Variants in AGAP1 observed in about 807,000 individuals in gnomAD.
AGAP1 encodes the protein ArfGAP with GTPase domain, ankyrin repeat and PH domain 1, also known as arf-GAP with GTPase, ANK repeat and PH domain-containing protein 1.
A neutral mutation model predicts 105.3 loss-of-function variants in AGAP1; 29 were observed. The observed-to-expected ratio is 0.28, with a 90% confidence interval of 0.21 to 0.38. The LOEUF is 0.38. Ranked by LOEUF, AGAP1 falls within the 10% of genes least tolerant of loss-of-function variation. The pLI, the probability that AGAP1 is intolerant of heterozygous loss-of-function variation, is 1.00. For missense variants in AGAP1, 998 were observed against 1,165.1 expected (o/e 0.86, Z 2.09); for synonymous variants, 509 against 485.9 (o/e 1.05, Z -0.63).
intron 1 of AGAP1, among the ~76,000 whole-genome samples, chr2:235,594,865 C>T (rs181934538): frequency 2.9e-4 from 43 of 147,662 alleles, no homozygotes; most frequent in African/African-American, 9.0e-4. Context: ...TGAGCCACTG[C>T]GCCCGGCCCA....
At position 235,623,340 on chromosome 2, in the gene AGAP1, CGTT is replaced by C. The variant is rs1420106986; in HGVS notation, c.164-85836_164-85834del. Among the ~76,000 whole-genome samples, 1 of 152,240 alleles carries C rather than the reference CGTT, an allele frequency of 6.6e-6. No homozygotes were observed. The highest frequency in any genetic ancestry group is 2.4e-5 in the African/African-American group (1 of 41,522). ...CTACAAATCAAGATTTGCTTTGCCT[CGTT>C]GTGTAAATATCGGCAAACCATGTTT... On this transcript the variant is annotated intron_variant, in intron 1 of 17. Transcript: ENST00000304032. The surrounding 1 kb of genome is among the most constrained non-coding windows in gnomAD (Gnocchi z 4.5).
At chr2:235,579,179 C>G (rs1036843167) in intron 1 of AGAP1, among the ~76,000 whole-genome samples, 1 of 152,134 alleles carries the variant, frequency 6.6e-6, no homozygotes, top group Non-Finnish European at 1.5e-5. Context: ...CTGTGTCAGC[C>G]CCTGCCCACT....
rs758485714 is a variant in AGAP1, at chr2:235,665,197, T to A, written c.164-43982T>A. On this transcript the variant is annotated intron_variant, in intron 1 of 17. Coordinates refer to ENST00000304032, the MANE Select transcript of AGAP1 (RefSeq NM_001037131.3). The surrounding 1 kb of genome is among the most constrained non-coding windows in gnomAD (Gnocchi z 5.3). ...TTGCCACTGCACTCTAGCCTGTCTG[T>A]GTGGTGGTGTGTTCATACACAATAG... Among the ~76,000 whole-genome samples, 9 of 152,188 alleles carry A rather than the reference T, an allele frequency of 5.9e-5. No individual in the cohort carries two copies. The highest frequency in any genetic ancestry group is 9.6e-5 in the African/African-American group (4 of 41,456).
At chr2:235,589,091 T>C (rs1272066193) in intron 1 of AGAP1, among the ~76,000 whole-genome samples, 1 of 151,354 alleles carries the variant, frequency 6.6e-6, no homozygotes, top group Admixed American at 6.6e-5. Context: ...CCCTTTCTGG[T>C]CCCTCTTGGG....
In AGAP1 at chr2:235,953,809, G is replaced by A. The variant is rs987700535; in HGVS notation, c.1484-14653G>A. On this transcript the variant is annotated intron_variant, in intron 12 of 17. Transcript: ENST00000304032. The surrounding 1 kb of genome is among the most constrained non-coding windows in gnomAD (Gnocchi z 5.2). ...ATGGTGGGTCATACCTGTGGTCCAC[G>A]CTCCTTGGGAGGCTGAGGCAGGAGG... is the stretch of plus-strand genomic sequence containing the variant. Among the ~76,000 whole-genome samples the A allele has an allele frequency of 1.3e-5, 2 of 152,148 alleles. No individual in the cohort carries two copies. The highest frequency in any genetic ancestry group is 6.5e-5 in the Admixed American group (1 of 15,276).
Position 235,887,680 on chromosome 2 carries a change from G to A in AGAP1, c.1155+4231G>A, listed in dbSNP as rs376805700. ...CACAGAGCCCAGGAAAAAAAATCCC[G>A]GCCAAACCATCAGATATTTTTAGTT... On this transcript the variant is annotated intron_variant, in intron 10 of 17. Transcript: ENST00000304032. The surrounding 1 kb of genome is among the most constrained non-coding windows in gnomAD (Gnocchi z 4.1). 6.6e-5 allele frequency among the ~76,000 whole-genome samples: 10 copies of A among 152,178 alleles called. No individual in the cohort carries two copies. The highest frequency in any genetic ancestry group is 5.8e-4 in the East Asian group (3 of 5,172).
intron 1 of AGAP1, among the ~76,000 whole-genome samples, chr2:235,595,426 C>T (rs1251936522): frequency 6.6e-6 from 1 of 152,188 alleles, no homozygotes; most frequent in East Asian, 1.9e-4. Flanking sequence ...ACTCAGCTTA[C>T]TCTCACTCCT....
intron 6 of AGAP1, among the ~76,000 whole-genome samples, chr2:235,779,313 T>C (rs1358109012): frequency 2.0e-5 from 3 of 151,946 alleles, no homozygotes; most frequent in African/African-American, 7.3e-5. Context: ...ACGATTTAGC[T>C]CTGCTTTTAA....
Position 236,130,672 on chromosome 2 carries a change from G to A in AGAP1, c.*6550G>A, listed in dbSNP as rs533281626. 8 of 152,476 alleles carry A rather than the reference G, an allele frequency of 5.2e-5. No homozygotes were observed. Among genetic ancestry groups the A allele is most frequent in the Non-Finnish European group, 8.8e-5 (6 of 68,162 alleles). The allele number at this position is 152,476 out of a possible 1,614,324, so 9.4% of individuals were successfully genotyped here. ...TTGAGGAAGGACAGTCCAGGTGCATGGAATCCTAATGGGCCTCATGCAGAC... is the reference window on the plus strand; with the variant it reads ...TTGAGGAAGGACAGTCCAGGTGCATAGAATCCTAATGGGCCTCATGCAGAC... On this transcript the variant is annotated 3_prime_UTR_variant, in exon 18 of 18. Coordinates refer to ENST00000304032, the MANE Select transcript of AGAP1 (RefSeq NM_001037131.3). The surrounding 1 kb of genome is among the most constrained non-coding windows in gnomAD (Gnocchi z 5.8).
rs890863292 is a variant in AGAP1 at position 235,549,558 on chromosome 2, C to T, written c.163+54709C>T. The stretch of plus-strand genomic sequence containing the variant: ...TTTTCACGTACAGAGTTGCATTGCT[C>T]CTCCGTCTTCCGCGTGCCTGTGGGC... On this transcript the variant is annotated intron_variant, in intron 1 of 17. Transcript: ENST00000304032. This position sits in a 1 kb window ranked among gnomAD's most constrained non-coding sequence, Gnocchi z 4.2. Among the ~76,000 whole-genome samples, 1 of 152,164 alleles carries T rather than the reference C, an allele frequency of 6.6e-6. No homozygotes were observed. The highest frequency in any genetic ancestry group is 1.5e-5 in the Non-Finnish European group (1 of 68,036).
rs1385637945 is a variant in AGAP1, at chr2:235,953,029, T to C, written c.1484-15433T>C. Among the ~76,000 whole-genome samples the C allele has an allele frequency of 6.6e-6, 1 of 152,172 alleles. No individual in the cohort carries two copies. Among genetic ancestry groups the C allele is most frequent in the Non-Finnish European group, 1.5e-5 (1 of 68,024 alleles). ...CTCTTTCAAGTGGCTGGGCCTTCTG[T>C]ACGAGGCACCTGACACCACGATGCT... is the stretch of plus-strand genomic sequence containing the variant. On this transcript the variant is annotated intron_variant, in intron 12 of 17. Transcript: ENST00000304032. The surrounding 1 kb of genome is among the most constrained non-coding windows in gnomAD (Gnocchi z 5.2).
chr2:235,804,448 C>G (rs531688274), intron 8 of AGAP1, among the ~76,000 whole-genome samples: 55 of 152,330 alleles, frequency 3.6e-4, no homozygotes, highest in African/African-American at 1.3e-3. Context: ...AGAACTGTTT[C>G]AATGGCATTT....
At chr2:235,786,738 C>T (rs761369502) in intron 6 of AGAP1, among the ~76,000 whole-genome samples, 2 of 152,164 alleles carry the variant, frequency 1.3e-5, no homozygotes, top group African/African-American at 2.4e-5. Flanking sequence ...GTTTCTTGTG[C>T]CCTGTGACGA....
chr2:235,783,116 T>C (rs1956379201), intron 6 of AGAP1, among the ~76,000 whole-genome samples: 1 of 152,036 alleles, frequency 6.6e-6, no homozygotes. Context: ...CACCATGAAT[T>C]TTTTTTCTTA....
intron 1 of AGAP1, among the ~76,000 whole-genome samples, chr2:235,656,650 G>T (rs866685905): frequency 1.3e-5 from 2 of 152,168 alleles, no homozygotes; most frequent in Non-Finnish European, 2.9e-5. Context: ...ACAGGGGAAC[G>T]ACACAGCAGC....
Position 235,599,733 on chromosome 2 carries a change from C to G in AGAP1, c.163+104884C>G, listed in dbSNP as rs2149231927. On this transcript the variant is annotated intron_variant, in intron 1 of 17. Coordinates refer to ENST00000304032, the MANE Select transcript of AGAP1 (RefSeq NM_001037131.3). This position sits in a 1 kb window ranked among gnomAD's most constrained non-coding sequence, Gnocchi z 5.3. ...TGCCCTTTCTGGGTCCCACGTGATT[C>G]TACCTGATCGCTGGCTCTCTAGGGC... Among the ~76,000 whole-genome samples the G allele has an allele frequency of 6.6e-6, 1 of 152,264 alleles. No individual in the cohort carries two copies. The highest frequency in any genetic ancestry group is 2.1e-4 in the South Asian group (1 of 4,826).
At position 235,752,001 on chromosome 2, in the gene AGAP1, A is replaced by G. The variant is rs187707352; in HGVS notation, c.673+1513A>G. Among the ~76,000 whole-genome samples, 147 of 152,262 alleles carry G rather than the reference A, an allele frequency of 9.7e-4. No homozygotes were observed. The highest frequency in any genetic ancestry group is 3.4e-3 in the African/African-American group (142 of 41,566). On this transcript the variant is annotated intron_variant, in intron 6 of 17. Coordinates refer to ENST00000304032, the MANE Select transcript of AGAP1 (RefSeq NM_001037131.3). The surrounding 1 kb of genome is among the most constrained non-coding windows in gnomAD (Gnocchi z 4.3). ...TGAACATGAGTGAGATGTTAGTGAG[A>G]CTTGGAAGAACTGTGCAGGGAGGCC...
intron 1 of AGAP1, among the ~76,000 whole-genome samples, chr2:235,632,057 G>C (rs77740530): frequency 0.023 from 3,574 of 152,348 alleles, 136 homozygotes; most frequent in African/African-American, 0.079. Flanking sequence ...ATTTTGTTAA[G>C]GGGTAAGAGA....
rs1386188010 is a variant in AGAP1 at position 235,615,355 on chromosome 2, A to G, written c.164-93824A>G. Among the ~76,000 whole-genome samples the G allele has an allele frequency of 2.0e-5, 3 of 152,200 alleles. No individual in the cohort carries two copies. The highest frequency in any genetic ancestry group is 2.9e-5 in the Non-Finnish European group (2 of 68,030). ...AATGGGTCCCACTGAGGAGCTTGCC[A>G]GTATTGTTACAATTGGAGTGATCTC... On this transcript the variant is annotated intron_variant, in intron 1 of 17. Transcript: ENST00000304032. This position sits in a 1 kb window ranked among gnomAD's most constrained non-coding sequence, Gnocchi z 5.0.
Sources: allele counts gnomAD v4.1 joint callset (sites outside exome capture counted in the v4.1 genomes callset), GRCh38; gene constraint gnomAD v4.1.1; non-coding constraint Gnocchi (gnomAD v3.1); transcripts MANE v1.5; gene names NCBI Gene and HGNC (gene_info 2026-07-23, HGNC 2026-07-21).